Variants in ROBO2 observed in about 807,000 individuals in gnomAD.
ROBO2 encodes roundabout homolog 2.
In ROBO2, 53 loss-of-function variants were observed where a neutral mutation model predicts 160.8. The observed-to-expected ratio is 0.33, with a 90% confidence interval of 0.26 to 0.41. ROBO2 has a LOEUF of 0.41. ROBO2 is among the 10% of genes least tolerant of loss of function. ROBO2 has a pLI of 1.00. For synonymous variants in ROBO2, 664 were observed against 611.7 expected (o/e 1.09, Z -1.26); for missense variants, 1,577 against 1,722.4 (o/e 0.92, Z 1.49).
intron 2 of ROBO2, among the ~76,000 whole-genome samples, chr3:77,477,045 G>T (rs934593982): frequency 6.6e-6 from 1 of 151,356 alleles, no homozygotes; most frequent in Non-Finnish European, 1.5e-5. Context: ...ATATATATGC[G>T]TGCACACACA....
At chr3:76,476,996 G>T (rs2078966258) in intron 2 of ROBO2, among the ~76,000 whole-genome samples, 3 of 152,154 alleles carry the variant, frequency 2.0e-5, no homozygotes, top group Admixed American at 2.0e-4. Context: ...GCAGTACCAG[G>T]TTCATATTCT....
At chr3:75,952,870 G>A (rs1326199972) in intron 2 of ROBO2, among the ~76,000 whole-genome samples, 1 of 151,838 alleles carries the variant, frequency 6.6e-6, no homozygotes, top group Non-Finnish European at 1.5e-5. Context: ...TTTTCCAGAA[G>A]GTCATGTAGT....
intron 6 of ROBO2, among the ~76,000 whole-genome samples, chr3:77,532,964 T>C (rs1185512181): frequency 2.0e-5 from 3 of 152,166 alleles, no homozygotes; most frequent in African/African-American, 7.2e-5. Flanking sequence ...TGTCATGAAT[T>C]AAATAAGTAA....
At chr3:77,072,344 T>C (rs2067514052) in intron 1 of ROBO2, among the ~76,000 whole-genome samples, 1 of 152,084 alleles carries the variant, frequency 6.6e-6, no homozygotes, top group Non-Finnish European at 1.5e-5. Flanking sequence ...GCACAGTAAA[T>C]GTAATGCTCT....
At chr3:77,374,581 C>T (rs1291392594) in intron 2 of ROBO2, among the ~76,000 whole-genome samples, 1 of 152,068 alleles carries the variant, frequency 6.6e-6, no homozygotes, top group Non-Finnish European at 1.5e-5. Flanking sequence ...TAGGAATATG[C>T]TTCCTTAAAG....
chr3:75,974,958 C>T (rs1363772922), intron 2 of ROBO2, among the ~76,000 whole-genome samples: 1 of 151,210 alleles, frequency 6.6e-6, no homozygotes, highest in Non-Finnish European at 1.5e-5. Flanking sequence ...TTTTGTCGGG[C>T]TATAACATAT....
At chr3:76,992,599 T>C (rs538568485) in intron 2 of ROBO2, among the ~76,000 whole-genome samples, 2 of 151,840 alleles carry the variant, frequency 1.3e-5, no homozygotes, top group South Asian at 4.2e-4. Context: ...GAGAGAATTA[T>C]ATGAAATGTT....
At chr3:76,002,449 T>G (rs927022429) in intron 2 of ROBO2, among the ~76,000 whole-genome samples, 1 of 152,042 alleles carries the variant, frequency 6.6e-6, no homozygotes, top group Non-Finnish European at 1.5e-5. Context: ...TGTTGTGGGA[T>G]CCGGTGAGAG....
At chr3:77,317,890 GGCTGCTAGGGGC>G (rs1312254765) in intron 2 of ROBO2, among the ~76,000 whole-genome samples, 3 of 90,652 alleles carry the variant, frequency 3.3e-5, no homozygotes, top group Non-Finnish European at 6.7e-5. Flanking sequence ...GCTGCTGGGG[GGCTGCTAGGGGC>G]GCTGCTGGGG....
At chr3:77,300,183 A>AT (rs199652959) in intron 2 of ROBO2, among the ~76,000 whole-genome samples, 1,492 of 143,318 alleles carry the variant, frequency 0.01, 19 homozygotes, top group East Asian at 0.032. Flanking sequence ...AGGGAAATGA[A>AT]TTTTTTTTTT....
At position 77,200,267 on chromosome 3, in the gene ROBO2, TTATATATATATA is replaced by T. The variant is rs144644165; in HGVS notation, c.388+101971_388+101982del. On this transcript the variant is annotated intron_variant, in intron 2 of 25. Transcript: ENST00000461745. ...GTATGTATATCCTAACTAACATATT[TTATATATATATA>T]TATATATATATATATATATATATAT... 6.6e-3 allele frequency among the ~76,000 whole-genome samples: 308 copies of T among 46,508 alleles called. 5 individuals carry two copies. The highest frequency in any genetic ancestry group is 9.4e-3 in the Admixed American group (38 of 4,028). 30.5% of individuals were successfully genotyped at this position (46,508 alleles called of 152,430 possible).
At chr3:76,602,736 T>C (rs1324388263) in intron 2 of ROBO2, among the ~76,000 whole-genome samples, 1 of 151,880 alleles carries the variant, frequency 6.6e-6, no homozygotes, top group Non-Finnish European at 1.5e-5. Context: ...GTTCCTCCCA[T>C]GACAGGTGGG....
intron 2 of ROBO2, among the ~76,000 whole-genome samples, chr3:76,724,613 A>G (rs1364472583): frequency 6.6e-6 from 1 of 152,152 alleles, no homozygotes; most frequent in African/African-American, 2.4e-5. Flanking sequence ...TCATACCTCC[A>G]GACCCCAATA....
chr3:75,916,677 C>G (rs1946821353), intron 1 of ROBO2, among the ~76,000 whole-genome samples: 1 of 151,808 alleles, frequency 6.6e-6, no homozygotes, highest in Admixed American at 6.6e-5. Context: ...AGCGACTGTT[C>G]CAAATATGTA....
intron 2 of ROBO2, among the ~76,000 whole-genome samples, chr3:76,856,081 CA>C (rs2070039982): frequency 6.6e-6 from 1 of 152,094 alleles, no homozygotes; most frequent in Admixed American, 6.6e-5. Flanking sequence ...GCCCCATGAG[CA>C]GATAACATAA....
At chr3:77,366,880 G>A (rs373466713) in intron 2 of ROBO2, among the ~76,000 whole-genome samples, 2 of 141,532 alleles carry the variant, frequency 1.4e-5, no homozygotes, top group African/African-American at 5.0e-5. Context: ...TTAATAGTGA[G>A]AACTCTCACA....
intron 1 of ROBO2, among the ~76,000 whole-genome samples, chr3:75,924,262 T>A (rs1174944408): frequency 6.6e-6 from 1 of 152,062 alleles, no homozygotes; most frequent in Non-Finnish European, 1.5e-5. Flanking sequence ...TATCCTGAAT[T>A]ATCTAGGTGG....
intron 2 of ROBO2, among the ~76,000 whole-genome samples, chr3:77,135,421 A>G (rs538763940): frequency 2.0e-4 from 31 of 152,076 alleles, no homozygotes; most frequent in African/African-American, 7.5e-4. Context: ...TTTTTTTAGA[A>G]ACAGGGTTTC....
Position 76,410,782 on chromosome 3 carries a change from G to A in ROBO2, c.109+473180G>A, listed in dbSNP as rs78699430. Among the ~76,000 whole-genome samples, 12 of 152,218 alleles carry A rather than the reference G, an allele frequency of 7.9e-5. No homozygotes were observed. In the East Asian group the frequency reaches 2.1e-3, roughly 27 times the overall value. ...ATGTCTTTAATGGTATAAACATATTGTTGAAAGGCTATAGCAATCTTCACT... is the reference window on the plus strand; with the variant it reads ...ATGTCTTTAATGGTATAAACATATTATTGAAAGGCTATAGCAATCTTCACT... On this transcript the variant is annotated intron_variant, in intron 2 of 26. Transcript: ENST00000487694.
Sources: gnomAD v4.1 joint callset for allele counts (sites outside exome capture counted in the v4.1 genomes callset) on GRCh38, gnomAD v4.1.1 for gene constraint, MANE v1.5 for transcripts, NCBI Gene and HGNC (gene_info 2026-07-23, HGNC 2026-07-21) for gene names.